Variants in PRKRA observed in about 807,000 individuals in gnomAD.
PRKRA encodes protein activator of interferon induced protein kinase EIF2AK2, also known as interferon-inducible double-stranded RNA-dependent protein kinase activator A.
PRKRA carries 22 observed loss-of-function variants against 32.4 expected under a neutral mutation model. The ratio of observed to expected loss-of-function variants is 0.68; its 90% CI spans 0.49 to 0.97. PRKRA has a LOEUF of 0.97. Ranked by LOEUF, PRKRA falls within the 50% of genes least tolerant of loss-of-function variation. The pLI is 0.00. For missense variants in PRKRA, 319 were observed against 375.6 expected, an observed-to-expected ratio of 0.85 and a Z score of 1.25; for synonymous variants, 139 against 129.8, an observed-to-expected ratio of 1.07 and a Z score of -0.48.
chr2:178,436,846 A>T (rs1247209893), intron 6 of PRKRA, among the ~76,000 whole-genome samples: 2 of 152,182 alleles, frequency 1.3e-5, no homozygotes, highest in Non-Finnish European at 2.9e-5. Flanking sequence ...AAATGACAGG[A>T]TGTCAAAAAG....
chr2:178,445,580 CT>C (rs1697287528), intron 3 of PRKRA: 1 of 154,490 alleles, frequency 6.5e-6, no homozygotes, highest in Non-Finnish European at 1.5e-5. Context: ...GCTTTTTTTG[CT>C]GACAAAGTGC....
Position 178,447,562 on chromosome 2 carries a change from G to A in PRKRA, c.260C>T (p.Ala87Val). ...CTGEGTSKKL[A>V]KHRAAEAAIN... The stretch of plus-strand genomic sequence containing the variant: ...GGCAGCCTCTGCAGCTCTATGTTTC[G>A]CCAGCTTCTTACTTGTACCTTCACC... Residue 87 changes from alanine (A) to valine (V), a missense_variant, in exon 3 of 8, where the codon GCG (alanine) becomes GTG (valine). Coordinates refer to ENST00000325748, the MANE Select transcript of PRKRA (RefSeq NM_003690.5). 1 of 1,614,012 alleles carries A rather than the reference G, an allele frequency of 6.2e-7. No individual in the cohort carries two copies.
chr2:178,442,044 C>A (rs556431579), intron 5 of PRKRA, among the ~76,000 whole-genome samples: 2 of 152,034 alleles, frequency 1.3e-5, no homozygotes, highest in South Asian at 2.1e-4. Flanking sequence ...CACCACCACA[C>A]CTGGCTGATT....
intron 2 of PRKRA, 142 bp from the exon 3 acceptor site, chr2:178,447,728 T>C (rs1559358893): frequency 2.4e-6 from 2 of 835,264 alleles, no homozygotes; most frequent in East Asian, 5.4e-5. Context: ...TTATATACTG[T>C]ACATAAAAAT....
intron 2 of PRKRA, among the ~76,000 whole-genome samples, chr2:178,449,904 G>A (rs1697484518): frequency 1.3e-5 from 2 of 152,188 alleles, no homozygotes; most frequent in African/African-American, 4.8e-5. Flanking sequence ...AGTACCTACT[G>A]ACCCAGCTAT....
chr2:178,438,606 T>A (rs2154124892), intron 6 of PRKRA, among the ~76,000 whole-genome samples: 1 of 152,294 alleles, frequency 6.6e-6, no homozygotes, highest in South Asian at 2.1e-4. Context: ...TTCAGTTTTC[T>A]TGGCTATTCT....
At chr2:178,435,857 G>A (rs1162842143) in intron 7 of PRKRA, among the ~76,000 whole-genome samples, 3 of 152,208 alleles carry the variant, frequency 2.0e-5, no homozygotes, top group African/African-American at 7.2e-5. Flanking sequence ...TGAGGATTCA[G>A]TAAGTAGATA....
In PRKRA at chr2:178,450,054, G is replaced by A. The variant is rs760887780; in HGVS notation, c.235+188C>T. Reference sequence around the variant, plus strand: ...GTTTCTAAGCTTCCTTGGTATGTGGGGAAGAGAAAATTAGGAAGAGAATCA... The same window carrying A: ...GTTTCTAAGCTTCCTTGGTATGTGGAGAAGAGAAAATTAGGAAGAGAATCA... On this transcript the variant is annotated intron_variant, in intron 2 of 7. Transcript: ENST00000325748. 522 of 792,734 alleles carry A rather than the reference G, an allele frequency of 6.6e-4. 1 individual carries two copies. Among genetic ancestry groups the A allele is most frequent in the Non-Finnish European group, 9.4e-4 (445 of 475,022 alleles). The allele number at this position is 792,734 out of a possible 1,614,324, so 49.1% of individuals were successfully genotyped here.
intron 7 of PRKRA, among the ~76,000 whole-genome samples, chr2:178,432,655 T>C (rs1233002545): frequency 6.6e-6 from 1 of 152,150 alleles, no homozygotes; most frequent in Non-Finnish European, 1.5e-5. Flanking sequence ...GAAAGAACCA[T>C]TTGCTAGAGG....
rs1696663571 is a variant in PRKRA, at chr2:178,431,843, T to C, written c.*254A>G. ...ATGCAGTTTCTTTCTCTGATGTGCA[T>C]GGCACTGTAAAATGGGTGCTACACT... On this transcript the variant is annotated 3_prime_UTR_variant, in exon 8 of 8. Coordinates refer to ENST00000325748, the MANE Select transcript of PRKRA (RefSeq NM_003690.5). 3.8e-6 allele frequency: 2 copies of C among 527,802 alleles called. No individual in the cohort carries two copies. The highest frequency in any genetic ancestry group is 6.3e-5 in the Admixed American group (2 of 31,920). The allele number at this position is 527,802 out of a possible 1,614,324, so 32.7% of individuals were successfully genotyped here. A position where few individuals can be genotyped will look rare whatever the true frequency, so the allele number is the denominator to read the frequency against.
Position 178,434,406 on chromosome 2 carries a change from T to C in PRKRA, c.784+1739A>G, listed in dbSNP as rs539554054. On this transcript the variant is annotated intron_variant, in intron 7 of 7. Transcript: ENST00000325748. ...GATTACAGGTGTGAGCCACCGCACCTGGCCTCCAGCCTCTTTTCTTTTTTT... is the reference window on the plus strand; with the variant it reads ...GATTACAGGTGTGAGCCACCGCACCCGGCCTCCAGCCTCTTTTCTTTTTTT... Among the ~76,000 whole-genome samples the C allele has an allele frequency of 1.4e-3, 217 of 151,270 alleles. 5 individuals carry two copies. In the South Asian group the frequency reaches 0.022, roughly 15 times the overall value.
chr2:178,437,858 G>A (rs1219510017), intron 6 of PRKRA, among the ~76,000 whole-genome samples: 1 of 151,910 alleles, frequency 6.6e-6, no homozygotes, highest in Non-Finnish European at 1.5e-5. Flanking sequence ...TTTAACTGAT[G>A]CATAAGAGCT....
At chr2:178,436,405 C>T in intron 6 of PRKRA, 86 bp from the exon 7 acceptor site, 1 of 859,940 alleles carries the variant, frequency 1.2e-6, no homozygotes, top group Non-Finnish European at 1.7e-6. Flanking sequence ...ACTTATTAAG[C>T]ACTCACATTT....
At chr2:178,436,072 A>C (rs1338367845) in intron 7 of PRKRA, 73 bp downstream of exon 7, 12 of 1,085,870 alleles carry the variant, frequency 1.1e-5, no homozygotes, top group Non-Finnish European at 1.5e-5. Flanking sequence ...TTATTCCTCA[A>C]ACACATTTTT....
rs1267141963 is a variant in PRKRA, at chr2:178,450,307, G to T, written c.170C>A (p.Ser57Tyr). The T allele has an allele frequency of 6.2e-7, 1 of 1,614,248 alleles. No individual in the cohort carries two copies. Among genetic ancestry groups the T allele is most frequent in the South Asian group, 1.1e-5 (1 of 91,086 alleles). ...KNIPVYECER[S>Y]DVQIHVPTFT... ...AGTGGGCACGTGTATTTGCACATCA[G>T]ATCTTTCACATTCATAAACTGGGAT... Residue 57 changes from serine to tyrosine, a missense_variant, in exon 2 of 8, where the codon TCT becomes TAT. Coordinates refer to ENST00000325748, the MANE Select transcript of PRKRA (RefSeq NM_003690.5).
At chr2:178,444,556 T>C (rs1575096486) in intron 3 of PRKRA, 56 bp from the exon 4 acceptor site, 2 of 1,348,646 alleles carry the variant, frequency 1.5e-6, no homozygotes, top group Non-Finnish European at 2.1e-6. Context: ...AATTATGAAA[T>C]AAATGACAAG....
chr2:178,432,077 T>C lies in PRKRA; in HGVS notation c.*20A>G. The C allele has an allele frequency of 1.9e-6, 3 of 1,613,766 alleles. No homozygotes were observed. The highest frequency in any genetic ancestry group is 1.1e-5 in the South Asian group (1 of 91,048). On this transcript the variant is annotated 3_prime_UTR_variant, in exon 8 of 8. Coordinates refer to ENST00000325748, the MANE Select transcript of PRKRA (RefSeq NM_003690.5). ...GAACTTTTTATGTGCTACTGAAAGATTTTTTAAGTTGCTCCAGATTTACTT... is the reference window on the plus strand; with the variant it reads ...GAACTTTTTATGTGCTACTGAAAGACTTTTTAAGTTGCTCCAGATTTACTT...
At chr2:178,436,787 A>C (rs1182786414) in intron 6 of PRKRA, among the ~76,000 whole-genome samples, 1 of 152,212 alleles carries the variant, frequency 6.6e-6, no homozygotes, top group Non-Finnish European at 1.5e-5. Flanking sequence ...AAAAAACTAA[A>C]AAAAACATGA....
chr2:178,436,859 C>A lies in PRKRA; in HGVS notation c.610-540G>T, dbSNP rs115253411. 3.3e-3 allele frequency among the ~76,000 whole-genome samples: 495 copies of A among 152,190 alleles called. 2 individuals carry two copies. Among genetic ancestry groups the A allele is most frequent in the African/African-American group, 0.011 (454 of 41,536 alleles). ...ATAAATGACAGGATGTCAAAAAGTT[C>A]TTATCAGACTTCTATCCCAGAACCC... On this transcript the variant is annotated intron_variant, in intron 6 of 7. Coordinates refer to ENST00000325748, the MANE Select transcript of PRKRA (RefSeq NM_003690.5).
Sources: allele counts gnomAD v4.1 joint callset (sites outside exome capture counted in the v4.1 genomes callset), GRCh38; gene constraint gnomAD v4.1.1; transcripts MANE v1.5; gene names NCBI Gene and HGNC (gene_info 2026-07-23, HGNC 2026-07-21).